TUB: variants seen among roughly 807,000 people sequenced by gnomAD.
The protein encoded by TUB is TUB bipartite transcription factor, also known as tubby protein homolog.
A neutral mutation model predicts 59.7 loss-of-function variants in TUB; 33 were observed. The ratio of observed to expected loss-of-function variants is 0.55; its 90% CI spans 0.42 to 0.74. The LOEUF is 0.74. TUB is among the 30% of genes least tolerant of loss of function. The pLI is 0.00. For missense variants in TUB, 659 were observed against 672.0 expected (o/e 0.98, Z 0.21); for synonymous variants, 293 against 256.4 (o/e 1.14, Z -1.36).
intron 2 of TUB, among the ~76,000 whole-genome samples, chr11:8,071,224 C>G (rs1391993465): frequency 2.0e-5 from 3 of 152,132 alleles, no homozygotes; most frequent in Non-Finnish European, 4.4e-5. Flanking sequence ...GAGGGTGGGT[C>G]TGTACTCACC....
chr11:8,095,616 G>A lies in TUB; in HGVS notation c.516G>A (p.Gly172=), dbSNP rs2133864028. The A allele has an allele frequency of 6.2e-7, 1 of 1,611,816 alleles. No individual in the cohort carries two copies. Among genetic ancestry groups the A allele is most frequent in the Middle Eastern group, 1.7e-4 (1 of 6,058 alleles). ...AQDAGETAAG[G]GERPSGQDLR... ...ACGCAGGGGAGACGGCAGCTGGTGG[G>A]GGCGAACGGCCCAGCGGGCAGGATC... The change falls in exon 5 of 12, where the codon GGG becomes GGA. Residue 172 remains glycine (G), a synonymous_variant. Coordinates refer to ENST00000299506, the MANE Select transcript of TUB (RefSeq NM_177972.3).
intron 4 of TUB, among the ~76,000 whole-genome samples, chr11:8,094,732 C>T (rs544689040): frequency 6.6e-6 from 1 of 152,348 alleles, no homozygotes; most frequent in South Asian, 2.1e-4. Context: ...CAGTGATTGG[C>T]GGTACCTGCC....
At chr11:8,038,944 G>T in exon 1 of TUB, 1 of 1,614,044 alleles carries the variant, frequency 6.2e-7, no homozygotes, top group Non-Finnish European at 8.5e-7. Context: ...TTGTTCCCAG[G>T]AGGCACTCCC....
intron 1 of TUB, among the ~76,000 whole-genome samples, chr11:8,088,317 A>C (rs1943707269): frequency 6.6e-6 from 1 of 152,152 alleles, no homozygotes. Context: ...CAAGTAGTTG[A>C]AGGCTCATGT....
At chr11:8,053,075 T>C (rs1942958169) in intron 2 of TUB, among the ~76,000 whole-genome samples, 1 of 152,242 alleles carries the variant, frequency 6.6e-6, no homozygotes, top group African/African-American at 2.4e-5. Context: ...AGTTTACTAA[T>C]AAATTTCTTT....
chr11:8,057,246 T>C (rs950925919), intron 2 of TUB, among the ~76,000 whole-genome samples: 3 of 152,190 alleles, frequency 2.0e-5, no homozygotes, highest in African/African-American at 7.2e-5. Flanking sequence ...ATAGCTGTTA[T>C]TAAGCATCAA....
chr11:8,056,428 A>G (rs986293668), intron 2 of TUB, among the ~76,000 whole-genome samples: 1 of 152,086 alleles, frequency 6.6e-6, no homozygotes, highest in African/African-American at 2.4e-5. Context: ...TAAATAAATG[A>G]TGGGCACATG....
intron 4 of TUB, among the ~76,000 whole-genome samples, chr11:8,094,822 G>T (rs1453887918): frequency 6.6e-6 from 1 of 152,214 alleles, no homozygotes; most frequent in Non-Finnish European, 1.5e-5. Context: ...ACTGCGTCAC[G>T]GTTGGACAGT....
chr11:8,089,229 G>A (rs532770530), intron 1 of TUB, among the ~76,000 whole-genome samples: 1 of 152,308 alleles, frequency 6.6e-6, no homozygotes, highest in Admixed American at 6.5e-5. Flanking sequence ...GCTGGAGGGA[G>A]CAGCCCCCTG....
rs1385094073 is a variant in TUB, at chr11:8,103,152, GGA to G, written c.*1539_*1540del. ...TGCTGCACACTTCTCGGTCTAGGTG[GGA>G]GAGAGTGCATAAAGGTTCTGGGGCT... is the stretch of plus-strand genomic sequence containing the variant. On this transcript the variant is annotated 3_prime_UTR_variant, in exon 12 of 12. Coordinates refer to ENST00000299506, the MANE Select transcript of TUB (RefSeq NM_177972.3). 1.3e-5 allele frequency: 2 copies of G among 152,270 alleles called. No individual in the cohort carries two copies. The highest frequency in any genetic ancestry group is 2.4e-5 in the African/African-American group (1 of 41,444). The allele number at this position is 152,270 out of a possible 1,614,324, so 9.4% of individuals were successfully genotyped here. A position where few individuals can be genotyped will look rare whatever the true frequency, so the allele number is the denominator to read the frequency against.
At chr11:8,038,655 G>C in exon 1 of TUB, 12 of 1,339,134 alleles carry the variant, frequency 9.0e-6, no homozygotes, top group Non-Finnish European at 1.1e-5. Flanking sequence ...GTCTGGTCCT[G>C]AAGGGTTTGG....
chr11:8,084,321 A>G (rs80312388), intron 1 of TUB, among the ~76,000 whole-genome samples: 2,679 of 152,330 alleles, frequency 0.018, 99 homozygotes, highest in African/African-American at 0.06. Context: ...TCACATTCTG[A>G]GTTCAAAGGG....
upstream of TUB, chr11:8,076,437 T>C (rs1326207255): frequency 6.6e-6 from 1 of 152,226 alleles, no homozygotes; most frequent in Non-Finnish European, 1.5e-5. Flanking sequence ...CAACCTTTTT[T>C]CAACCTCTCT....
chr11:8,033,296 G>A (rs1160775361), intron 1 of TUB, among the ~76,000 whole-genome samples: 2 of 152,162 alleles, frequency 1.3e-5, no homozygotes, highest in Non-Finnish European at 2.9e-5. Flanking sequence ...GGGAGACTCC[G>A]GGAAACTCCG....
At position 8,095,479 on chromosome 11, in the gene TUB, G is replaced by A; in HGVS notation, c.398-19G>A. ...TCTCCTCCTCCTGGATGTAACTCAG[G>A]CGTGTCCGTGGCCTGCAGGCACCAG... On this transcript the variant is annotated intron_variant, in intron 4 of 11. Transcript: ENST00000299506. The A allele has an allele frequency of 4.4e-6, 7 of 1,598,060 alleles. No individual in the cohort carries two copies. The highest frequency in any genetic ancestry group is 6.0e-6 in the Non-Finnish European group (7 of 1,169,446).
rs1250783934 is a variant in TUB at position 8,106,176 on chromosome 11, G to A, written c.*4557G>A. On this transcript the variant is annotated 3_prime_UTR_variant, in exon 12 of 12. Coordinates refer to ENST00000299506, the MANE Select transcript of TUB (RefSeq NM_177972.3). ...ATTTTCCCATGTTGACATTATGTAT[G>A]TTGTAGAATTTAGTGTTTGTCTAAG... is the stretch of plus-strand genomic sequence containing the variant. 6.6e-6 allele frequency: 1 copy of A among 151,846 alleles called. No homozygotes were observed. Among genetic ancestry groups the A allele is most frequent in the African/African-American group, 2.4e-5 (1 of 41,406 alleles). 9.4% of individuals were successfully genotyped at this position (151,846 alleles called of 1,614,324 possible).
chr11:8,027,875 A>G (rs1226657280), intron 1 of TUB, among the ~76,000 whole-genome samples: 2 of 152,168 alleles, frequency 1.3e-5, no homozygotes, highest in South Asian at 2.1e-4. Flanking sequence ...CCTTTTGGCT[A>G]TTGTGAAAAT....
At chr11:8,021,635 G>A (rs1208214977) in intron 1 of TUB, among the ~76,000 whole-genome samples, 1 of 152,054 alleles carries the variant, frequency 6.6e-6, no homozygotes, top group East Asian at 1.9e-4. Context: ...GAAAATCTTG[G>A]CCAGGCGTGG....
In TUB at chr11:8,106,065, CTG is replaced by C. The variant is rs759342265; in HGVS notation, c.*4449_*4450del. 7 of 152,160 alleles carry C rather than the reference CTG, an allele frequency of 4.6e-5. No individual in the cohort carries two copies. The highest frequency in any genetic ancestry group is 2.1e-4 in the South Asian group (1 of 4,832). 9.4% of individuals were successfully genotyped at this position (152,160 alleles called of 1,614,324 possible). ...TGGCGTTTTAGACAAATTTGCAAAACTGTGCTTTTATTGACTTTTTGAATAAA... is the reference window on the plus strand; with the variant it reads ...TGGCGTTTTAGACAAATTTGCAAAACTGCTTTTATTGACTTTTTGAATAAA... On this transcript the variant is annotated 3_prime_UTR_variant, in exon 12 of 12. Transcript: ENST00000299506.
Sources: allele counts gnomAD v4.1 joint callset (sites outside exome capture counted in the v4.1 genomes callset), GRCh38; gene constraint gnomAD v4.1.1; transcripts MANE v1.5; gene names NCBI Gene and HGNC (gene_info 2026-07-23, HGNC 2026-07-21).